The following PCDHA13 variants were observed in gnomAD, a reference collection of about 807,000 sequenced individuals.
The protein encoded by PCDHA13 is protocadherin alpha 13, also known as protocadherin alpha-13.
A neutral mutation model predicts 64.8 loss-of-function variants in PCDHA13; 54 were observed. The observed-to-expected ratio is 0.83, with a 90% CI of 0.67 to 1.04. PCDHA13 has a LOEUF of 1.04. Ranked by LOEUF, PCDHA13 falls within the 50% of genes least tolerant of loss-of-function variation. The pLI, the probability that PCDHA13 is intolerant of heterozygous loss-of-function variation, is 0.00. For synonymous variants in PCDHA13, 587 were observed against 564.4 expected, an observed-to-expected ratio of 1.04 and a Z score of -0.57; for missense variants, 1,248 against 1,254.3, an observed-to-expected ratio of 0.99 and a Z score of 0.08.
At chr5:140,919,406 T>C (rs1325443914) in intron 1 of PCDHA13, among the ~76,000 whole-genome samples, 1 of 152,254 alleles carries the variant, frequency 6.6e-6, no homozygotes, top group East Asian at 1.9e-4. Flanking sequence ...CTAAAAACTC[T>C]AGACTGACAA....
chr5:140,949,457 T>C (rs1369576515), intron 1 of PCDHA13, among the ~76,000 whole-genome samples: 1 of 151,872 alleles, frequency 6.6e-6, no homozygotes, highest in Non-Finnish European at 1.5e-5. Flanking sequence ...TCATGTAATT[T>C]GAAGCCCTGT....
chr5:140,999,295 T>G (rs1554256739), intron 3 of PCDHA13, among the ~76,000 whole-genome samples: 1 of 152,238 alleles, frequency 6.6e-6, no homozygotes, highest in Non-Finnish European at 1.5e-5. Context: ...ATTCTTTATT[T>G]CAGAATTTCT....
At chr5:140,924,895 AAAAAAAAAAATAAAAT>A (rs200266637) in intron 1 of PCDHA13, among the ~76,000 whole-genome samples, 43,424 of 132,064 alleles carry the variant, frequency 0.33, 6,815 homozygotes, top group East Asian at 0.57. Flanking sequence ...AACCTGTCTC[AAAAAAAAAAATAAAAT>A]AAAATAAAAT....
rs545349225 is a variant in PCDHA13, at chr5:140,969,608, C to T, written c.2395-9341C>T. On this transcript the variant is annotated intron_variant, in intron 1 of 3. Coordinates refer to ENST00000289272, the MANE Select transcript of PCDHA13 (RefSeq NM_018904.3). ...AGTCTTAATATTTAATGCTAAAACA[C>T]AGATTTGTAGAGAAACAGGACAGGC... 646 of 747,324 alleles carry T rather than the reference C, an allele frequency of 8.6e-4. 1 individual carries two copies. Among genetic ancestry groups the T allele is most frequent in the Middle Eastern group, 3.2e-3 (8 of 2,532 alleles). The allele number at this position is 747,324 out of a possible 1,614,324, so 46.3% of individuals were successfully genotyped here. A position where few individuals can be genotyped will look rare whatever the true frequency, so the allele number is the denominator to read the frequency against.
chr5:141,005,798 C>T (rs1236554438), intron 3 of PCDHA13, among the ~76,000 whole-genome samples: 1 of 143,634 alleles, frequency 7.0e-6, no homozygotes, highest in African/African-American at 2.6e-5. Context: ...GCAAAAACAA[C>T]TCCAAGGAGC....
At chr5:140,993,984 CACTT>C (rs2097589955) in intron 3 of PCDHA13, among the ~76,000 whole-genome samples, 1 of 152,114 alleles carries the variant, frequency 6.6e-6, no homozygotes, top group Non-Finnish European at 1.5e-5. Flanking sequence ...ATTTATTAAG[CACTT>C]AGGTCAGGCC....
chr5:140,954,487 A>T (rs1585567544), intron 1 of PCDHA13, among the ~76,000 whole-genome samples: 1 of 152,120 alleles, frequency 6.6e-6, no homozygotes, highest in African/African-American at 2.4e-5. Flanking sequence ...AAGATATTTC[A>T]TTGTGGTTTT....
At chr5:140,910,387 T>C (rs540534807) in intron 1 of PCDHA13, among the ~76,000 whole-genome samples, 1 of 152,158 alleles carries the variant, frequency 6.6e-6, no homozygotes, top group Admixed American at 6.6e-5. Context: ...CCTTTGACAG[T>C]TGACTGGCCC....
chr5:140,995,918 G>A (rs1303145667), intron 3 of PCDHA13, among the ~76,000 whole-genome samples: 1 of 152,180 alleles, frequency 6.6e-6, no homozygotes, highest in Non-Finnish European at 1.5e-5. Flanking sequence ...GAGACCATAG[G>A]CTGTTGTAAG....
At chr5:141,004,362 C>T (rs1357216048) in intron 3 of PCDHA13, among the ~76,000 whole-genome samples, 1 of 152,186 alleles carries the variant, frequency 6.6e-6, no homozygotes, top group Non-Finnish European at 1.5e-5. Flanking sequence ...AGAGACCACA[C>T]CTTGTTCTGC....
chr5:140,952,832 G>A (rs560488815), intron 1 of PCDHA13, among the ~76,000 whole-genome samples: 1 of 152,226 alleles, frequency 6.6e-6, no homozygotes, highest in African/African-American at 2.4e-5. Context: ...GCATGATGCT[G>A]GCCATCTGCT....
At chr5:140,981,338 G>A (rs1563488090) in intron 2 of PCDHA13, among the ~76,000 whole-genome samples, 1 of 152,100 alleles carries the variant, frequency 6.6e-6, no homozygotes, top group Non-Finnish European at 1.5e-5. Context: ...CTTTGGGAGG[G>A]TGAGGCAGGT....
chr5:140,981,042 C>A (rs782145088), intron 2 of PCDHA13, among the ~76,000 whole-genome samples: 22 of 151,970 alleles, frequency 1.4e-4, no homozygotes, highest in Non-Finnish European at 2.9e-4. Flanking sequence ...GGAAAAAAAA[C>A]AGATAATTCT....
Position 140,882,737 on chromosome 5 carries a change from G to A in PCDHA13, c.469G>A (p.Ala157Thr), listed in dbSNP as rs1375859660. The A allele has an allele frequency of 6.2e-7, 1 of 1,614,090 alleles. No individual in the cohort carries two copies. Among genetic ancestry groups the A allele is most frequent in the Admixed American group, 1.7e-5 (1 of 60,012 alleles). The change falls in exon 1 of 4, where the codon GCA (alanine) becomes ACA (threonine). Residue 157 changes from alanine to threonine, a missense_variant. Transcript: ENST00000289272. The stretch of plus-strand genomic sequence containing the variant: ...GGAAACTCGATTTCCACTAGATGGC[G>A]CATCCGATGCAGATATTGGAGTAAA... ...PPETRFPLDGASDADIGVNSA... is the reference protein window; with the variant it reads ...PPETRFPLDGTSDADIGVNSA...
rs1554180956 is a variant in PCDHA13 at position 140,883,989 on chromosome 5, G to C, written c.1721G>C (p.Gly574Ala). 6.2e-7 allele frequency: 1 copy of C among 1,612,834 alleles called. No individual in the cohort carries two copies. Among genetic ancestry groups the C allele is most frequent in the Non-Finnish European group, 8.5e-7 (1 of 1,179,596 alleles). Reference sequence around the variant, plus strand: ...CTGACGCCCGGGGCTGGCAGCGCGGGAGGCACAGTGAGCGAGCTGATGCCG... The same window carrying C: ...CTGACGCCCGGGGCTGGCAGCGCGGCAGGCACAGTGAGCGAGCTGATGCCG... ...ALLTPGAGSA[G>A]GTVSELMPRS... Residue 574 changes from glycine (G) to alanine (A), a missense_variant, in exon 1 of 4, where the codon GGA becomes GCA. Transcript: ENST00000289272.
chr5:141,006,207 T>C (rs1434083054), intron 3 of PCDHA13, among the ~76,000 whole-genome samples: 4 of 150,998 alleles, frequency 2.6e-5, no homozygotes, highest in Non-Finnish European at 5.9e-5. Context: ...TTATGCCTCA[T>C]TTTTTTTTAA....
At chr5:140,886,615 C>A (rs1032902050) in intron 1 of PCDHA13, among the ~76,000 whole-genome samples, 2 of 152,028 alleles carry the variant, frequency 1.3e-5, no homozygotes, top group Admixed American at 1.3e-4. Flanking sequence ...ATCAGGAGAT[C>A]AGGAGTCCGA....
intron 1 of PCDHA13, among the ~76,000 whole-genome samples, chr5:140,943,373 A>G (rs1554215633): frequency 6.6e-6 from 1 of 152,128 alleles, no homozygotes; most frequent in East Asian, 1.9e-4. Flanking sequence ...TCATTAAAAT[A>G]TACAGGTAAG....
At position 141,010,124 on chromosome 5, in the gene PCDHA13, G is replaced by C. The variant is rs1161168842; in HGVS notation, c.*187G>C. 1.2e-6 allele frequency: 2 copies of C among 1,605,172 alleles called. No homozygotes were observed. The highest frequency in any genetic ancestry group is 1.1e-5 in the South Asian group (1 of 90,170). On this transcript the variant is annotated 3_prime_UTR_variant, in exon 4 of 4. Coordinates refer to ENST00000289272, the MANE Select transcript of PCDHA13 (RefSeq NM_018904.3). ...GGTTTTGTCGTAAAAGCTTTACTAA[G>C]TCTGGTGTTAACTCTTTCTCTCCAC...
Sources: gnomAD v4.1 joint callset for allele counts (sites outside exome capture counted in the v4.1 genomes callset) on GRCh38, gnomAD v4.1.1 for gene constraint, MANE v1.5 for transcripts, NCBI Gene and HGNC (gene_info 2026-07-23, HGNC 2026-07-21) for gene names.